Variants in MALRD1 observed in about 807,000 individuals in gnomAD.
MALRD1 encodes MAM and LDL receptor class A domain containing 1, also known as MAM and LDL-receptor class A domain-containing protein 1.
In MALRD1, 247 loss-of-function variants were observed where a neutral mutation model predicts 242.1. The observed-to-expected ratio is 1.02, with a 90% CI of 0.92 to 1.13. The LOEUF is 1.13. MALRD1 is among the 50% of genes most tolerant of loss of function. The pLI is 0.00. For synonymous variants in MALRD1, 995 were observed against 866.6 expected (o/e 1.15, Z -2.60); for missense variants, 2,989 against 2,533.1 (o/e 1.18, Z -3.86).
At chr10:19,657,762 GT>G (rs1841231743) in intron 36 of MALRD1, among the ~76,000 whole-genome samples, 1 of 151,958 alleles carries the variant, frequency 6.6e-6, no homozygotes, top group Admixed American at 6.6e-5. Context: ...GCCTCACAGG[GT>G]TTTTTTGTTA....
chr10:19,552,782 G>T (rs888317741), intron 32 of MALRD1, among the ~76,000 whole-genome samples: 22 of 151,958 alleles, frequency 1.4e-4, no homozygotes, highest in African/African-American at 5.1e-4. Context: ...TAGTTACACT[G>T]TAATAACTTA....
At chr10:19,053,172 C>T (rs1834560406) in intron 1 of MALRD1, among the ~76,000 whole-genome samples, 1 of 152,176 alleles carries the variant, frequency 6.6e-6, no homozygotes, top group African/African-American at 2.4e-5. Context: ...TTAGGTCAGC[C>T]AGCTCTTGGA....
intron 12 of MALRD1, among the ~76,000 whole-genome samples, chr10:19,156,334 A>G (rs1431156751): frequency 6.6e-6 from 1 of 151,382 alleles, no homozygotes; most frequent in Non-Finnish European, 1.5e-5. Context: ...TCTTTGTGAG[A>G]ATAAGAATTA....
intron 4 of MALRD1, among the ~76,000 whole-genome samples, chr10:19,097,821 T>C (rs1434277664): frequency 6.6e-6 from 1 of 152,178 alleles, no homozygotes; most frequent in African/African-American, 2.4e-5. Flanking sequence ...AAGATAATAA[T>C]GTCGATTCTT....
chr10:19,072,900 T>C (rs1337288668), intron 2 of MALRD1, among the ~76,000 whole-genome samples: 1 of 152,046 alleles, frequency 6.6e-6, no homozygotes, highest in African/African-American at 2.4e-5. Context: ...AGTGTCTTTT[T>C]TTCACTTACC....
At chr10:19,232,506 A>G (rs1367273330) in intron 18 of MALRD1, among the ~76,000 whole-genome samples, 1 of 151,914 alleles carries the variant, frequency 6.6e-6, no homozygotes, top group Admixed American at 6.6e-5. Context: ...TACTAACCTA[A>G]ATTATTTTAA....
rs567194391 is a variant in MALRD1 at position 19,205,827 on chromosome 10, T to C, written c.2578+562T>C. The stretch of plus-strand genomic sequence containing the variant: ...CAGATTCGCAGGCCTTTGTAGTACA[T>C]AGTAGTACAATTTGAACCTAGCTCC... On this transcript the variant is annotated intron_variant, in intron 17 of 39. Coordinates refer to ENST00000454679, the MANE Select transcript of MALRD1 (RefSeq NM_001142308.3). Among the ~76,000 whole-genome samples the C allele has an allele frequency of 5.3e-5, 8 of 151,750 alleles. No individual in the cohort carries two copies. The East Asian group carries it at 7.8e-4, about 15-fold the overall frequency.
At chr10:19,588,285 T>A (rs1837554170) in intron 33 of MALRD1, among the ~76,000 whole-genome samples, 2 of 152,198 alleles carry the variant, frequency 1.3e-5, no homozygotes, top group Non-Finnish European at 2.9e-5. Flanking sequence ...ATATTAATTA[T>A]CAAGAAAAGT....
chr10:19,389,042 G>T (rs1846217880), intron 27 of MALRD1: 2 of 326,788 alleles, frequency 6.1e-6, no homozygotes, highest in South Asian at 5.1e-5. Flanking sequence ...AAATTTCTTA[G>T]TGTTATATTT....
Position 19,410,009 on chromosome 10 carries a change from A to G in MALRD1, c.4845+20400A>G, listed in dbSNP as rs1194953011. On this transcript the variant is annotated intron_variant, in intron 28 of 39. Transcript: ENST00000454679. ...TAGATCTGTAAAATCTGTAGTCCAC[A>G]ATATCATCACAAAATGGACAAGAAA... Among the ~76,000 whole-genome samples, 6 of 152,158 alleles carry G rather than the reference A, an allele frequency of 3.9e-5. No individual in the cohort carries two copies. The East Asian group carries it at 1.2e-3, about 29-fold the overall frequency.
intron 31 of MALRD1, among the ~76,000 whole-genome samples, chr10:19,530,553 C>T (rs1834366867): frequency 6.8e-6 from 1 of 146,342 alleles, no homozygotes. Flanking sequence ...GGAAAAAATA[C>T]ACACACACAT....
At chr10:19,586,534 G>T (rs1431730711) in intron 33 of MALRD1, among the ~76,000 whole-genome samples, 2 of 152,176 alleles carry the variant, frequency 1.3e-5, no homozygotes, top group East Asian at 1.9e-4. Context: ...CAGTTAGGCT[G>T]CTCAGGGGTC....
chr10:19,359,744 C>A (rs953357641), intron 26 of MALRD1, among the ~76,000 whole-genome samples: 15 of 125,994 alleles, frequency 1.2e-4, no homozygotes, highest in Non-Finnish European at 1.3e-4. Flanking sequence ...GGAGAGCTGG[C>A]TTTGATGAAG....
intron 28 of MALRD1, among the ~76,000 whole-genome samples, chr10:19,397,967 T>C (rs1846663278): frequency 1.3e-5 from 2 of 152,014 alleles, no homozygotes; most frequent in Admixed American, 1.3e-4. Flanking sequence ...CATTTAAGAC[T>C]CATGTATATT....
chr10:19,497,641 G>A (rs567579160), intron 30 of MALRD1, among the ~76,000 whole-genome samples: 18 of 152,120 alleles, frequency 1.2e-4, no homozygotes, highest in African/African-American at 3.4e-4. Context: ...AGTTGTGAAC[G>A]AGAAGGAAGT....
At chr10:19,382,232 T>C (rs1286185006) in intron 26 of MALRD1, among the ~76,000 whole-genome samples, 2 of 152,174 alleles carry the variant, frequency 1.3e-5, no homozygotes, top group African/African-American at 4.8e-5. Context: ...TGTCTTTTCC[T>C]GAATACCTGT....
intron 36 of MALRD1, among the ~76,000 whole-genome samples, chr10:19,673,394 A>G (rs1207679705): frequency 6.6e-6 from 1 of 152,176 alleles, no homozygotes; most frequent in African/African-American, 2.4e-5. Flanking sequence ...CTCAAAATAA[A>G]TAAATAAATA....
In MALRD1 at chr10:19,124,553, A is replaced by C. The variant is rs557310549; in HGVS notation, c.826A>C (p.Met276Leu). The change falls in exon 7 of 40, where the codon ATG becomes CTG. Residue 276 changes from methionine (M) to leucine (L), a missense_variant. Met to Leu is a conservative substitution (Grantham distance 15). Transcript: ENST00000454679. ...LCQACGFEFD[M>L]CEWTSEASAG... is the part of the protein sequence containing the mutation. ...TCAGGCCTGTGGGTTTGAATTTGAC[A>C]TGTGTGAGTGGACGTCAGAAGCATC... is the stretch of plus-strand genomic sequence containing the variant. The C allele has an allele frequency of 1.2e-4, 142 of 1,233,774 alleles. No homozygotes were observed. In the African/African-American group the frequency reaches 1.5e-3, roughly 13 times the overall value. 76.4% of individuals were successfully genotyped at this position (1,233,774 alleles called of 1,614,324 possible). A position where few individuals can be genotyped will look rare whatever the true frequency, so the allele number is the denominator to read the frequency against.
intron 5 of MALRD1, among the ~76,000 whole-genome samples, chr10:19,116,054 C>T (rs1836859814): frequency 6.6e-6 from 1 of 152,072 alleles, no homozygotes; most frequent in South Asian, 2.1e-4. Context: ...CTAACCTCTG[C>T]CCCTTCCAAG....
Sources: gnomAD v4.1 joint callset for allele counts (sites outside exome capture counted in the v4.1 genomes callset) on GRCh38, gnomAD v4.1.1 for gene constraint, MANE v1.5 for transcripts, NCBI Gene and HGNC (gene_info 2026-07-23, HGNC 2026-07-21) for gene names.